DRC10: variants seen among roughly 807,000 people sequenced by gnomAD.
The protein encoded by DRC10 is dynein regulatory complex subunit 10.
the DRC10 span, chr12:113,200,886 C>G: frequency 8.5e-7 from 1 of 1,179,546 alleles, no homozygotes; most frequent in Non-Finnish European, 1.2e-6. Context: ...CGCCTGTAAT[C>G]CCAACACTTA....
the DRC10 span, among the ~76,000 whole-genome samples, chr12:113,199,133 CA>C: frequency 4.6e-5 from 7 of 152,074 alleles, no homozygotes; most frequent in Non-Finnish European, 7.3e-5. Context: ...GACAGGGTTT[CA>C]CCACATTGGC....
chr12:113,206,568 T>C, the DRC10 span, among the ~76,000 whole-genome samples: 1 of 152,148 alleles, frequency 6.6e-6, no homozygotes, highest in Non-Finnish European at 1.5e-5. Flanking sequence ...TGTGCTCTTG[T>C]GGCAAGACTG....
At chr12:113,204,391 CT>C in the DRC10 span, among the ~76,000 whole-genome samples, 8,975 of 152,336 alleles carry the variant, frequency 0.059, 361 homozygotes, top group Middle Eastern at 0.071. Context: ...TTATTCTTGT[CT>C]CATTACTGAG....
chr12:113,220,996 C>T, the DRC10 span: 1 of 380,826 alleles, frequency 2.6e-6, no homozygotes, highest in Admixed American at 3.0e-5. Flanking sequence ...TGGCTACTCA[C>T]CTGCTCTGAC....
the DRC10 span, chr12:113,195,960 C>G: frequency 6.6e-7 from 1 of 1,515,082 alleles, no homozygotes. Context: ...CTGAGGCCCC[C>G]TTACCCTTCC....
At chr12:113,203,469 C>T in the DRC10 span, among the ~76,000 whole-genome samples, 1 of 149,872 alleles carries the variant, frequency 6.7e-6, no homozygotes, top group Non-Finnish European at 1.5e-5. Context: ...CCCTCCCCAC[C>T]CCTTCCCTTC....
chr12:113,195,740 C>G, the DRC10 span: 2 of 1,613,884 alleles, frequency 1.2e-6, no homozygotes, highest in Non-Finnish European at 1.7e-6. Context: ...GCACCATCTC[C>G]TGCTCTGCCT....
At chr12:113,199,597 C>T in the DRC10 span, among the ~76,000 whole-genome samples, 1 of 151,930 alleles carries the variant, frequency 6.6e-6, no homozygotes, top group African/African-American at 2.4e-5. Context: ...GAGTGTGACA[C>T]TAAGAGACTG....
chr12:113,195,587 C>G, the DRC10 span: 1 of 1,596,558 alleles, frequency 6.3e-7, no homozygotes, highest in East Asian at 2.3e-5. Flanking sequence ...ATTTCTTGCC[C>G]TTGCCCTTCT....
chr12:113,195,737 C>A, the DRC10 span: 3 of 1,613,996 alleles, frequency 1.9e-6, no homozygotes, highest in Non-Finnish European at 1.7e-6. Flanking sequence ...TGCGCACCAT[C>A]TCCTGCTCTG....
the DRC10 span, among the ~76,000 whole-genome samples, chr12:113,197,875 G>A: frequency 6.6e-6 from 1 of 152,338 alleles, no homozygotes; most frequent in Admixed American, 6.5e-5. Flanking sequence ...GGCAGAGAAA[G>A]CAGCAGGTGC....
At chr12:113,217,560 C>T in the DRC10 span, among the ~76,000 whole-genome samples, 1 of 152,234 alleles carries the variant, frequency 6.6e-6, no homozygotes, top group Non-Finnish European at 1.5e-5. Flanking sequence ...GAAACTGAGT[C>T]TCGCTCTGTC....
At chr12:113,210,093 A>G in the DRC10 span, among the ~76,000 whole-genome samples, 2 of 152,262 alleles carry the variant, frequency 1.3e-5, no homozygotes, top group Non-Finnish European at 2.9e-5. Context: ...CCAAGTTTGC[A>G]TCACTGTACT....
At chr12:113,218,890 T>G in the DRC10 span, among the ~76,000 whole-genome samples, 1 of 152,208 alleles carries the variant, frequency 6.6e-6, no homozygotes. Context: ...GTTGATGACA[T>G]TTGGGTTGTT....
chr12:113,201,877 A>G, the DRC10 span, among the ~76,000 whole-genome samples: 9 of 152,232 alleles, frequency 5.9e-5, no homozygotes, highest in Non-Finnish European at 1.2e-4. Context: ...GGCGCTGGGA[A>G]TATGATCGGC....
chr12:113,218,969 G>T, the DRC10 span, among the ~76,000 whole-genome samples: 1 of 152,166 alleles, frequency 6.6e-6, no homozygotes, highest in Non-Finnish European at 1.5e-5. Context: ...GTGGACTTAT[G>T]TTTTCACTTG....
chr12:113,207,097 C>T, the DRC10 span: 1 of 375,536 alleles, frequency 2.7e-6, no homozygotes, highest in Non-Finnish European at 5.1e-6. Context: ...GCGCAGTGGC[C>T]AGCACTTTGG....
the DRC10 span, among the ~76,000 whole-genome samples, chr12:113,217,621 C>A: frequency 0.016 from 2,410 of 152,096 alleles, 87 homozygotes; most frequent in East Asian, 0.15. Flanking sequence ...AACCTCCACC[C>A]CCCTGGTTCA....
the DRC10 span, chr12:113,197,474 C>T: frequency 1.8e-6 from 2 of 1,117,860 alleles, no homozygotes; most frequent in Admixed American, 2.0e-5. Context: ...GCTACTTTTC[C>T]CATTCATCCC....
Sources: allele counts gnomAD v4.1 joint callset (sites outside exome capture counted in the v4.1 genomes callset), GRCh38; gene constraint gnomAD v4.1.1; transcripts MANE v1.5; gene names NCBI Gene and HGNC (gene_info 2026-07-23, HGNC 2026-07-21).